Variants in TXNRD1 observed in about 807,000 individuals in gnomAD.
TXNRD1 encodes the protein thioredoxin reductase 1, cytoplasmic.
In TXNRD1, 57 loss-of-function variants were observed where a neutral mutation model predicts 80.3. That is an observed-to-expected ratio of 0.71 (90% CI 0.57 to 0.89). The LOEUF is 0.89. Among genes scored for constraint, TXNRD1 ranks in the 40% least tolerant of loss-of-function variants. TXNRD1 has a pLI of 0.00. For missense variants in TXNRD1, 730 were observed against 803.0 expected (o/e 0.91, Z 1.10); for synonymous variants, 291 against 285.2 (o/e 1.02, Z -0.20).
At chr12:104,303,135 C>T (rs75797566) in intron 4 of TXNRD1, among the ~76,000 whole-genome samples, 1,785 of 152,244 alleles carry the variant, frequency 0.012, 35 homozygotes, top group African/African-American at 0.04. Context: ...TGAGTAATGC[C>T]CGTGCCCAGC....
chr12:104,347,010 G>A (rs1169915592), intron 16 of TXNRD1, among the ~76,000 whole-genome samples: 4 of 152,096 alleles, frequency 2.6e-5, no homozygotes, highest in South Asian at 2.1e-4. Context: ...CAGGAGAATC[G>A]CTTGAACCTA....
chr12:104,290,073 C>T (rs2034125137), intron 4 of TXNRD1, among the ~76,000 whole-genome samples: 1 of 152,218 alleles, frequency 6.6e-6, no homozygotes, highest in South Asian at 2.1e-4. Flanking sequence ...TGTCCTTATC[C>T]ATTTATATCT....
At chr12:104,294,567 T>A (rs2034373211) in intron 4 of TXNRD1, among the ~76,000 whole-genome samples, 1 of 152,230 alleles carries the variant, frequency 6.6e-6, no homozygotes, top group South Asian at 2.1e-4. Context: ...TCATATATAA[T>A]CACATCTAAG....
At chr12:104,267,241 C>CTTTCTTTCTTTCTTTCTTTCTT (rs755476528) in intron 3 of TXNRD1, among the ~76,000 whole-genome samples, 3 of 85,750 alleles carry the variant, frequency 3.5e-5, no homozygotes, top group South Asian at 9.2e-4. Context: ...ATTTTCTTTT[C>CTTTCTTTCTTTCTTTCTTTCTT]TCTTTCTTTC....
At chr12:104,333,233 G>C (rs1694644559) in intron 14 of TXNRD1, among the ~76,000 whole-genome samples, 1 of 151,874 alleles carries the variant, frequency 6.6e-6, no homozygotes, top group Non-Finnish European at 1.5e-5. Flanking sequence ...TTTCCTGTGT[G>C]AGTGTGTATA....
chr12:104,293,406 T>C (rs1391776815), intron 4 of TXNRD1, among the ~76,000 whole-genome samples: 1 of 152,166 alleles, frequency 6.6e-6, no homozygotes, highest in Non-Finnish European at 1.5e-5. Flanking sequence ...TTGCAGACAG[T>C]TGCGGTGGCC....
In TXNRD1 at chr12:104,288,955, C is replaced by T; in HGVS notation, c.329C>T (p.Thr110Met). Reference protein sequence around the residue: ...QTEDGRALEGTLSELAAETDL... With the variant: ...QTEDGRALEGMLSELAAETDL... ...GAGGACGGTCGGGCCCTGGAAGGAA[C>T]GCTCTCGGAATTGGCCGCGGAAACC... is the stretch of plus-strand genomic sequence containing the variant. The change falls in exon 4 of 17, where the codon ACG becomes ATG. Residue 110 changes from threonine to methionine, a missense_variant. Physicochemically the swap from Thr to Met is moderately conservative, Grantham distance 81. Transcript: ENST00000525566. 1 of 1,614,054 alleles carries T rather than the reference C, an allele frequency of 6.2e-7. No homozygotes were observed. The highest frequency in any genetic ancestry group is 8.5e-7 in the Non-Finnish European group (1 of 1,179,888).
Position 104,225,263 on chromosome 12 carries a change from G to GC in TXNRD1, c.91+9371dup, listed in dbSNP as rs530124632. On this transcript the variant is annotated intron_variant, in intron 1 of 16. Coordinates refer to ENST00000525566, the MANE Select transcript of TXNRD1 (RefSeq NM_001093771.3). ...ATATGTATTAACACATTTAATCACT[G>GC]CAAGAGGCAAATGAGGAAAGTGAGG... Among the ~76,000 whole-genome samples the GC allele has an allele frequency of 1.2e-3, 176 of 152,290 alleles. 2 individuals carry two copies. Among genetic ancestry groups the GC allele is most frequent in the Non-Finnish European group, 1.9e-3 (130 of 68,020 alleles).
rs1267486044 is a variant in TXNRD1 at position 104,265,393 on chromosome 12, C to G, written c.304+7314C>G. ...CAAATGCCACACGCCGCCCCTCTACCGCATGCGAATCTTTGCGCCTAATCA... is the reference window on the plus strand; with the variant it reads ...CAAATGCCACACGCCGCCCCTCTACGGCATGCGAATCTTTGCGCCTAATCA... On this transcript the variant is annotated intron_variant, in intron 3 of 16. Coordinates refer to ENST00000525566, the MANE Select transcript of TXNRD1 (RefSeq NM_001093771.3). 5.6e-6 allele frequency: 9 copies of G among 1,606,238 alleles called. No individual in the cohort carries two copies. In the South Asian group the frequency reaches 6.6e-5, roughly 12 times the overall value.
chr12:104,254,269 G>A (rs183694301), intron 2 of TXNRD1, among the ~76,000 whole-genome samples: 1 of 152,238 alleles, frequency 6.6e-6, no homozygotes, highest in East Asian at 1.9e-4. Context: ...CTATATCAGT[G>A]TTTGTTAAAT....
At chr12:104,237,088 A>G (rs535442317) in intron 1 of TXNRD1, among the ~76,000 whole-genome samples, 1 of 152,296 alleles carries the variant, frequency 6.6e-6, no homozygotes, top group African/African-American at 2.4e-5. Context: ...TGTTTTCCTC[A>G]TGAAACTCTC....
chr12:104,248,719 G>A (rs927151398), intron 1 of TXNRD1, among the ~76,000 whole-genome samples: 2 of 152,182 alleles, frequency 1.3e-5, no homozygotes, highest in Non-Finnish European at 2.9e-5. Context: ...TTCCACTTAC[G>A]GCAGATACTG....
At chr12:104,306,136 C>G (rs928675670) in intron 4 of TXNRD1, among the ~76,000 whole-genome samples, 7 of 152,050 alleles carry the variant, frequency 4.6e-5, no homozygotes, top group Non-Finnish European at 7.4e-5. Flanking sequence ...ACACCTGGCC[C>G]CAAGTGATCC....
At chr12:104,224,398 A>G (rs1300171008) in intron 1 of TXNRD1, among the ~76,000 whole-genome samples, 4 of 151,498 alleles carry the variant, frequency 2.6e-5, no homozygotes, top group Non-Finnish European at 5.9e-5. Context: ...TTTTTTATTT[A>G]TGTTTTTTTG....
At chr12:104,294,867 C>A (rs2034386014) in intron 4 of TXNRD1, among the ~76,000 whole-genome samples, 1 of 152,246 alleles carries the variant, frequency 6.6e-6, no homozygotes, top group Non-Finnish European at 1.5e-5. Flanking sequence ...AACTCTCCAA[C>A]CATCCCCTTT....
rs1282686622 is a variant in TXNRD1 at position 104,274,883 on chromosome 12, A to G, written c.305-14048A>G. On this transcript the variant is annotated intron_variant, in intron 3 of 16. Coordinates refer to ENST00000525566, the MANE Select transcript of TXNRD1 (RefSeq NM_001093771.3). ...GAGAGTTGACTGGAATGGAGCCTGT[A>G]CCTCTTGAGGTACTTCTGGTCAGTG... Among the ~76,000 whole-genome samples, 6 of 151,922 alleles carry G rather than the reference A, an allele frequency of 3.9e-5. No homozygotes were observed. The East Asian group carries it at 1.2e-3, about 29-fold the overall frequency.
chr12:104,247,982 T>C (rs1456089612), intron 1 of TXNRD1, among the ~76,000 whole-genome samples: 1 of 152,232 alleles, frequency 6.6e-6, no homozygotes, highest in Non-Finnish European at 1.5e-5. Flanking sequence ...ACCCCAGATG[T>C]CTCTCCCAAG....
chr12:104,289,235 C>T (rs960263815), intron 4 of TXNRD1, 195 bp downstream of exon 4: 8 of 505,532 alleles, frequency 1.6e-5, no homozygotes, highest in African/African-American at 9.5e-5. Context: ...TTTCACATCT[C>T]GGGAAACTTG....
intron 16 of TXNRD1, among the ~76,000 whole-genome samples, chr12:104,347,156 T>G (rs1223214098): frequency 6.6e-6 from 1 of 151,654 alleles, no homozygotes; most frequent in Non-Finnish European, 1.5e-5. Context: ...CTAACAATGA[T>G]GAGCCTCTTT....
Sources: allele counts gnomAD v4.1 joint callset (sites outside exome capture counted in the v4.1 genomes callset), GRCh38; gene constraint gnomAD v4.1.1; transcripts MANE v1.5; gene names NCBI Gene and HGNC (gene_info 2026-07-23, HGNC 2026-07-21).